ABAT: variants seen among roughly 807,000 people sequenced by gnomAD.
ABAT encodes 4-aminobutyrate aminotransferase.
In ABAT, 45 loss-of-function variants were observed where a neutral mutation model predicts 64.6. The observed-to-expected ratio is 0.70, with a 90% CI of 0.55 to 0.89. The LOEUF (loss-of-function observed/expected upper bound fraction) is 0.89, where lower values mean the gene tolerates loss of function less well. ABAT is among the 40% of genes least tolerant of loss of function. ABAT has a pLI of 0.00. For missense variants in ABAT, 633 were observed against 658.4 expected (o/e 0.96, Z 0.42); for synonymous variants, 297 against 250.5 (o/e 1.19, Z -1.75).
At chr16:8,737,795 G>T (rs1219710550) in intron 2 of ABAT, among the ~76,000 whole-genome samples, 1 of 150,386 alleles carries the variant, frequency 6.6e-6, no homozygotes, top group African/African-American at 2.5e-5. Flanking sequence ...GGGTGTGGTG[G>T]CAGGCACCTG....
Position 8,733,813 on chromosome 16 carries a change from A to G in ABAT, c.-41-1886A>G, listed in dbSNP as rs569163894. ...CTCAGCATGAGAGGGAGACCGTGGAAAGAGAGGGAGAGGGAGAGGGAGAGG... is the reference window on the plus strand; with the variant it reads ...CTCAGCATGAGAGGGAGACCGTGGAGAGAGAGGGAGAGGGAGAGGGAGAGG... On this transcript the variant is annotated intron_variant, in intron 1 of 15. Coordinates refer to ENST00000268251, the MANE Select transcript of ABAT (RefSeq NM_020686.6). Among the ~76,000 whole-genome samples, 824 of 147,414 alleles carry G rather than the reference A, an allele frequency of 5.6e-3. 11 individuals carry two copies. Among genetic ancestry groups the G allele is most frequent in the South Asian group, 0.013 (62 of 4,816 alleles).
At chr16:8,723,827 A>ATATTTTTTT (rs1567286201) in intron 1 of ABAT, among the ~76,000 whole-genome samples, 1 of 40,358 alleles carries the variant, frequency 2.5e-5, no homozygotes, top group Non-Finnish European at 4.0e-5. Flanking sequence ...ATATATATAT[A>ATATTTTTTT]TTTTTTTTTT....
rs1027426129 is a variant in ABAT at position 8,774,800 on chromosome 16, C to A, written c.955-90C>A. On this transcript the variant is annotated intron_variant, in intron 12 of 15. Transcript: ENST00000268251. ...AAAACAAGCACGATGTGTGTGGACC[C>A]AGGGTTTGGCAGTTAGCTGGCTATG... 14 of 1,517,042 alleles carry A rather than the reference C, an allele frequency of 9.2e-6. No individual in the cohort carries two copies. In the African/African-American group the frequency reaches 1.9e-4, roughly 21 times the overall value. The allele number at this position is 1,517,042 out of a possible 1,614,324, so 94.0% of individuals were successfully genotyped here.
At chr16:8,738,538 C>T (rs191682676) in intron 2 of ABAT, 4 of 437,088 alleles carry the variant, frequency 9.2e-6, no homozygotes, top group East Asian at 7.1e-5. Flanking sequence ...TTATTCTTCT[C>T]GACCTGGGTG....
chr16:8,745,683 G>T (rs2059307803), intron 2 of ABAT, among the ~76,000 whole-genome samples: 1 of 151,912 alleles, frequency 6.6e-6, no homozygotes, highest in Admixed American at 6.6e-5. Flanking sequence ...GGGCAATAGA[G>T]CAAGACTCTG....
chr16:8,697,755 C>A (rs964904027), intron 1 of ABAT, among the ~76,000 whole-genome samples: 1 of 152,032 alleles, frequency 6.6e-6, no homozygotes, highest in African/African-American at 2.4e-5. Context: ...CCTGCCTCAG[C>A]CTCCTGAGTA....
At chr16:8,770,200 C>T (rs1273410) in intron 11 of ABAT, among the ~76,000 whole-genome samples, 29,654 of 151,946 alleles carry the variant, frequency 0.2, 2,989 homozygotes, top group Non-Finnish European at 0.21. Flanking sequence ...TGCAGTGGCG[C>T]GATCTCAGCT....
In ABAT at chr16:8,781,637, G is replaced by A. The variant is rs1454519599; in HGVS notation, c.*207G>A. The A allele has an allele frequency of 1.7e-5, 11 of 665,472 alleles. No individual in the cohort carries two copies. Among genetic ancestry groups the A allele is most frequent in the East Asian group, 3.0e-5 (1 of 33,400 alleles). 41.2% of individuals were successfully genotyped at this position (665,472 alleles called of 1,614,324 possible). A position where few individuals can be genotyped will look rare whatever the true frequency, so the allele number is the denominator to read the frequency against. The stretch of plus-strand genomic sequence containing the variant: ...GATTTTCCTCCCTGCAGAGCCAATG[G>A]TGCACATTGGTTTAAGCCCAGAGAT... On this transcript the variant is annotated 3_prime_UTR_variant, in exon 16 of 16. Transcript: ENST00000268251. This position sits in a 1 kb window ranked among gnomAD's most constrained non-coding sequence, Gnocchi z 4.5.
In ABAT at chr16:8,775,027, C is replaced by A. The variant is rs764537926; in HGVS notation, c.1092C>A (p.Phe364Leu). Residue 364 changes from phenylalanine (F) to leucine (L), a missense_variant, in exon 13 of 16, where the codon TTC becomes TTA. Physicochemically the swap from Phe to Leu is conservative, Grantham distance 22. Transcript: ENST00000268251. ...GCAAGAAGATGATGACTGGGGGCTT[C>A]TTCCACAAGGAGGAGTTCAGGCCTA... ...TFSKKMMTGG[F>L]FHKEEFRPNA... The A allele has an allele frequency of 1.7e-5, 27 of 1,614,094 alleles. No homozygotes were observed. The highest frequency in any genetic ancestry group is 2.1e-5 in the Non-Finnish European group (25 of 1,180,050).
chr16:8,697,219 G>C (rs548621207), intron 1 of ABAT, among the ~76,000 whole-genome samples: 16 of 152,292 alleles, frequency 1.1e-4, no homozygotes, highest in African/African-American at 3.4e-4. Context: ...TCCAGGCAGG[G>C]ACACAGCAGA....
intron 2 of ABAT, among the ~76,000 whole-genome samples, chr16:8,737,949 A>AAAGGAAGG (rs1294236988): frequency 1.7e-4 from 4 of 23,700 alleles, no homozygotes; most frequent in African/African-American, 5.9e-4. Flanking sequence ...GGAAAGGAAG[A>AAAGGAAGG]AAGGAAGGAA....
intron 1 of ABAT, among the ~76,000 whole-genome samples, chr16:8,703,373 T>C (rs571067438): frequency 2.0e-5 from 3 of 152,180 alleles, no homozygotes; most frequent in East Asian, 1.9e-4. Context: ...GGAGAATAGC[T>C]TGAACCCGGA....
chr16:8,676,979 C>CT (rs1470848068), intron 1 of ABAT, among the ~76,000 whole-genome samples: 1 of 152,208 alleles, frequency 6.6e-6, no homozygotes, highest in Non-Finnish European at 1.5e-5. Flanking sequence ...TCTGCCCCCA[C>CT]CCAGTTCCCA....
chr16:8,761,803 G>C (rs1402343669), intron 6 of ABAT, among the ~76,000 whole-genome samples: 2 of 152,096 alleles, frequency 1.3e-5, no homozygotes, highest in Non-Finnish European at 2.9e-5. Context: ...GTTCCTGCCA[G>C]GTCACCAAAG....
chr16:8,720,105 G>A (rs2058325981), intron 1 of ABAT, among the ~76,000 whole-genome samples: 1 of 152,122 alleles, frequency 6.6e-6, no homozygotes, highest in Non-Finnish European at 1.5e-5. Flanking sequence ...GAGCCATCGC[G>A]CCCAGCCAAA....
intron 1 of ABAT, among the ~76,000 whole-genome samples, chr16:8,733,152 G>T (rs556939263): frequency 0.025 from 3,742 of 149,806 alleles, 330 homozygotes; most frequent in African/African-American, 0.09. Context: ...CCTCCCGGAC[G>T]GGGTGGCTGC....
chr16:8,716,492 A>G (rs1277560490), intron 1 of ABAT, among the ~76,000 whole-genome samples: 1 of 152,092 alleles, frequency 6.6e-6, no homozygotes, highest in African/African-American at 2.4e-5. Context: ...GGGAAACCTG[A>G]AGGGTGTTTT....
chr16:8,769,063 G>C, intron 11 of ABAT, 90 bp downstream of exon 11: 1 of 1,554,264 alleles, frequency 6.4e-7, no homozygotes, highest in Non-Finnish European at 8.8e-7. Flanking sequence ...ACAGATGAAG[G>C]GTTTATCTGG....
chr16:8,679,090 G>C (rs944677226), intron 1 of ABAT, among the ~76,000 whole-genome samples: 3 of 152,114 alleles, frequency 2.0e-5, no homozygotes, highest in African/African-American at 7.2e-5. Flanking sequence ...AGGCTGAGGC[G>C]GCAGAATCAC....
Sources: gnomAD v4.1 joint callset for allele counts (sites outside exome capture counted in the v4.1 genomes callset) on GRCh38, gnomAD v4.1.1 for gene constraint, Gnocchi (gnomAD v3.1) non-coding constraint, MANE v1.5 for transcripts, NCBI Gene and HGNC (gene_info 2026-07-23, HGNC 2026-07-21) for gene names.